GRIK2: variants seen among roughly 807,000 people sequenced by gnomAD.
GRIK2 encodes the protein glutamate ionotropic receptor kainate type subunit 2.
Under a neutral mutation model 100.3 loss-of-function variants are expected in GRIK2, and 32 were observed. The observed-to-expected ratio is 0.32, with a 90% CI of 0.24 to 0.43. The LOEUF (loss-of-function observed/expected upper bound fraction) is 0.43. Ranked by LOEUF, GRIK2 falls within the 20% of genes least tolerant of loss-of-function variation. The probability of loss-of-function intolerance (pLI) is 1.00; values close to 1 mark genes in which losing one functional copy is unlikely to be tolerated. For synonymous variants in GRIK2, 417 were observed against 389.4 expected, an observed-to-expected ratio of 1.07 and a Z score of -0.83; for missense variants, 843 against 1,114.9, an observed-to-expected ratio of 0.76 and a Z score of 3.47.
At chr6:101,764,146 G>A (rs916445295) in intron 7 of GRIK2, among the ~76,000 whole-genome samples, 1 of 151,960 alleles carries the variant, frequency 6.6e-6, no homozygotes, top group African/African-American at 2.4e-5. Flanking sequence ...AGAATCTCAG[G>A]GCTATCTTCT....
chr6:101,569,026 T>G (rs981455279), intron 2 of GRIK2, among the ~76,000 whole-genome samples: 7 of 152,000 alleles, frequency 4.6e-5, no homozygotes, highest in African/African-American at 1.7e-4. Flanking sequence ...GAAAAAGTCT[T>G]GCTTTGAGAG....
chr6:101,397,785 T>C (rs1219941774), intron 1 of GRIK2, among the ~76,000 whole-genome samples: 1 of 152,170 alleles, frequency 6.6e-6, no homozygotes, highest in Non-Finnish European at 1.5e-5. Context: ...ACCTATGCCC[T>C]GTTAGTTGGT....
At chr6:101,565,578 T>C (rs764724914) in intron 2 of GRIK2, among the ~76,000 whole-genome samples, 1 of 152,056 alleles carries the variant, frequency 6.6e-6, no homozygotes, top group Non-Finnish European at 1.5e-5. Flanking sequence ...GAAGATTGCA[T>C]TGAATGTATA....
chr6:101,515,410 C>A (rs768251011), intron 2 of GRIK2, among the ~76,000 whole-genome samples: 2 of 152,064 alleles, frequency 1.3e-5, no homozygotes, highest in Non-Finnish European at 2.9e-5. Context: ...ATAATGATGT[C>A]TTTTCCTCTG....
chr6:101,425,212 C>T lies in GRIK2; in HGVS notation c.115+25820C>T, dbSNP rs1007048783. Among the ~76,000 whole-genome samples the T allele has an allele frequency of 3.3e-5, 5 of 152,250 alleles. No homozygotes were observed. The East Asian group carries it at 9.7e-4, about 29-fold the overall frequency. On this transcript the variant is annotated intron_variant, in intron 2 of 16. Coordinates refer to ENST00000369134, the MANE Select transcript of GRIK2 (RefSeq NM_021956.5). ...GGGATGGCTGGGTCAAATGGTATTTCTGGTTCTAGATCCCTGAGGAATCAC... is the reference window on the plus strand; with the variant it reads ...GGGATGGCTGGGTCAAATGGTATTTTTGGTTCTAGATCCCTGAGGAATCAC...
intron 2 of GRIK2, among the ~76,000 whole-genome samples, chr6:101,533,157 A>G (rs944596556): frequency 5.9e-5 from 9 of 151,916 alleles, no homozygotes; most frequent in Admixed American, 5.9e-4. Flanking sequence ...AGGCCAGTTT[A>G]TAGAGGTTTT....
At chr6:101,608,030 A>T (rs918215629) in intron 2 of GRIK2, among the ~76,000 whole-genome samples, 1 of 130,836 alleles carries the variant, frequency 7.6e-6, no homozygotes, top group African/African-American at 3.0e-5. Context: ...AGATTATTTT[A>T]AAATTATTTA....
chr6:101,896,436 TTTTTCTGTAA>T (rs1280974961), intron 12 of GRIK2, among the ~76,000 whole-genome samples: 1 of 151,850 alleles, frequency 6.6e-6, no homozygotes, highest in Non-Finnish European at 1.5e-5. Flanking sequence ...ATTAATGTGC[TTTTTCTGTAA>T]TTTTCTGTAA....
intron 7 of GRIK2, among the ~76,000 whole-genome samples, chr6:101,743,202 T>A (rs1423559474): frequency 6.6e-6 from 1 of 152,204 alleles, no homozygotes; most frequent in African/African-American, 2.4e-5. Context: ...GGACAAGAGC[T>A]GACCAAGTTC....
At chr6:101,430,895 G>T (rs1769343849) in intron 2 of GRIK2, 2 of 343,670 alleles carry the variant, frequency 5.8e-6, no homozygotes, top group Non-Finnish European at 6.0e-6. Flanking sequence ...TGAAGCTGTA[G>T]CCACACTATG....
At chr6:102,051,327 T>C (rs1298705154) in intron 15 of GRIK2, among the ~76,000 whole-genome samples, 2 of 141,570 alleles carry the variant, frequency 1.4e-5, no homozygotes, top group South Asian at 2.3e-4. Context: ...CTCTGCAAGC[T>C]AGGACTTTTT....
chr6:101,910,762 A>G (rs887385403), intron 12 of GRIK2, among the ~76,000 whole-genome samples: 1 of 151,220 alleles, frequency 6.6e-6, no homozygotes, highest in African/African-American at 2.4e-5. Flanking sequence ...AGAGCTACAG[A>G]ATGCCATAGA....
intron 4 of GRIK2, among the ~76,000 whole-genome samples, chr6:101,631,867 G>A (rs919789493): frequency 3.3e-5 from 5 of 151,872 alleles, no homozygotes; most frequent in African/African-American, 1.2e-4. Context: ...ATGCAATTCT[G>A]ATCTGTTTCC....
chr6:101,542,683 A>G (rs1433738043), intron 2 of GRIK2, among the ~76,000 whole-genome samples: 1 of 152,096 alleles, frequency 6.6e-6, no homozygotes, highest in Non-Finnish European at 1.5e-5. Context: ...GAAGAACATG[A>G]GCCATTTGGA....
intron 2 of GRIK2, among the ~76,000 whole-genome samples, chr6:101,451,697 G>GGA: frequency 2.1e-5 from 1 of 46,626 alleles, no homozygotes; most frequent in Admixed American, 2.4e-4. Flanking sequence ...TATCTCTGAG[G>GGA]GGGGGGGGGG....
intron 11 of GRIK2, 92 bp downstream of exon 11, chr6:101,859,585 TGATA>T: frequency 2.8e-6 from 2 of 722,506 alleles, no homozygotes; most frequent in Non-Finnish European, 4.8e-6. Flanking sequence ...CAAAGAGTAG[TGATA>T]TATTTCAAGC....
chr6:101,564,498 A>G (rs778361219), intron 2 of GRIK2, among the ~76,000 whole-genome samples: 2 of 152,158 alleles, frequency 1.3e-5, no homozygotes, highest in Non-Finnish European at 2.9e-5. Context: ...CCTGAATTCA[A>G]GTTGCTCACT....
At position 101,823,883 on chromosome 6, in the gene GRIK2, T is replaced by G. The variant is rs201820802; in HGVS notation, c.1317+5400T>G. 3.1e-4 allele frequency among the ~76,000 whole-genome samples: 47 copies of G among 150,552 alleles called. 2 individuals carry two copies. In the East Asian group the frequency reaches 9.0e-3, roughly 29 times the overall value. On this transcript the variant is annotated intron_variant, in intron 10 of 16. Transcript: ENST00000369134. ...TTCTGTTTTTTTTTTTTTGTTTTTT[T>G]TTTTGATGGAGTCTCGCTCTGTCGC...
rs999420692 is a variant in GRIK2, at chr6:101,862,553, T to C, written c.1524+3060T>C. The stretch of plus-strand genomic sequence containing the variant: ...AAGCAGTCCTTCTGCCTCAGCCTTG[T>C]GGGTAGACATGCTAACATCCCTAGC... On this transcript the variant is annotated intron_variant, in intron 11 of 16. Coordinates refer to ENST00000369134, the MANE Select transcript of GRIK2 (RefSeq NM_021956.5). 3.3e-5 allele frequency among the ~76,000 whole-genome samples: 5 copies of C among 152,098 alleles called. No homozygotes were observed. In the East Asian group the frequency reaches 9.7e-4, roughly 29 times the overall value.
Sources: allele counts gnomAD v4.1 joint callset (sites outside exome capture counted in the v4.1 genomes callset), GRCh38; gene constraint gnomAD v4.1.1; transcripts MANE v1.5; gene names NCBI Gene and HGNC (gene_info 2026-07-23, HGNC 2026-07-21).